Variants in CPE observed in about 807,000 individuals in gnomAD.
CPE encodes the protein carboxypeptidase E, also known as carbocypeptidase E.
Under a neutral mutation model 53.5 loss-of-function variants are expected in CPE, and 17 were observed. The ratio of observed to expected loss-of-function variants is 0.32; its 90% confidence interval spans 0.22 to 0.48. The LOEUF (loss-of-function observed/expected upper bound fraction) is 0.48. Ranked by LOEUF, CPE falls within the 20% of genes least tolerant of loss-of-function variation. The pLI, the probability that CPE is intolerant of heterozygous loss-of-function variation, is 0.99. For missense variants in CPE, 524 were observed against 614.7 expected (o/e 0.85, Z 1.56); for synonymous variants, 226 against 228.8 (o/e 0.99, Z 0.11).
chr4:165,493,061 C>T (rs553174053), intron 6 of CPE, 110 bp from the exon 7 acceptor site: 1 of 658,860 alleles, frequency 1.5e-6, no homozygotes. Flanking sequence ...CAATGGGGGT[C>T]TACGGTATTT....
At chr4:165,481,686 T>C (rs2126711047) in intron 3 of CPE, among the ~76,000 whole-genome samples, 1 of 152,318 alleles carries the variant, frequency 6.6e-6, no homozygotes, top group South Asian at 2.1e-4. Flanking sequence ...CATTCCAAAG[T>C]AAACATATTT....
rs148285380 is a variant in CPE, at chr4:165,484,498, C to T, written c.867C>T (p.Asn289=). 3.1e-6 allele frequency: 5 copies of T among 1,614,140 alleles called. No individual in the cohort carries two copies. The highest frequency in any genetic ancestry group is 4.2e-6 in the Non-Finnish European group (5 of 1,179,990). ...TGGCCCGGGCATACTCTTCTTTCAA[C>T]CCGGCCATGTCTGACCCCAATCGGC... ...QSLARAYSSF[N]PAMSDPNRPP... is the part of the protein sequence containing the mutation. The change falls in exon 5 of 9, where the codon AAC becomes AAT. Residue 289 remains asparagine (N), a synonymous_variant. Transcript: ENST00000402744.
At chr4:165,404,170 T>C (rs1560871472) in intron 1 of CPE, 10 of 761,566 alleles carry the variant, frequency 1.3e-5, no homozygotes, top group East Asian at 2.5e-5. Flanking sequence ...GCCGGTCCAC[T>C]ATCTTCTGGG....
intron 1 of CPE, among the ~76,000 whole-genome samples, chr4:165,450,695 GATAATATTCC>G (rs1731792439): frequency 2.0e-5 from 3 of 152,180 alleles, no homozygotes. Context: ...TTTCATGTCT[GATAATATTCC>G]ATCATCTTCC....
rs1352127458 is a variant in CPE, at chr4:165,418,424, C to T, written c.307+38896C>T. The T allele has an allele frequency of 2.0e-5, 3 of 152,310 alleles. No homozygotes were observed. The East Asian group carries it at 5.8e-4, about 29-fold the overall frequency. The allele number at this position is 152,310 out of a possible 1,614,324, so 9.4% of individuals were successfully genotyped here. On this transcript the variant is annotated intron_variant, in intron 1 of 8. Coordinates refer to ENST00000402744, the MANE Select transcript of CPE (RefSeq NM_001873.4). Reference sequence around the variant, plus strand: ...GTGATTGTGCTGAAAATCACAAAGTCTATAAAATTATCCATCTGTAGTTTG... The same window carrying T: ...GTGATTGTGCTGAAAATCACAAAGTTTATAAAATTATCCATCTGTAGTTTG...
At chr4:165,493,374 C>T (rs541537891) in intron 7 of CPE, 104 bp downstream of exon 7, 10 of 786,892 alleles carry the variant, frequency 1.3e-5, no homozygotes, top group South Asian at 5.4e-5. Flanking sequence ...ACAAATAGCT[C>T]GTATCTCTAC....
intron 3 of CPE, among the ~76,000 whole-genome samples, chr4:165,480,154 C>T (rs751352733): frequency 2.6e-5 from 4 of 152,038 alleles, no homozygotes; most frequent in Non-Finnish European, 5.9e-5. Context: ...TGTCATTAAT[C>T]AAAGTGACAC....
intron 1 of CPE, among the ~76,000 whole-genome samples, chr4:165,420,138 T>C (rs1288602158): frequency 6.6e-6 from 1 of 152,174 alleles, no homozygotes; most frequent in Non-Finnish European, 1.5e-5. Context: ...TTTATCTCTT[T>C]AATTATTTTC....
intron 1 of CPE, among the ~76,000 whole-genome samples, chr4:165,399,742 T>C (rs1730836616): frequency 6.6e-6 from 1 of 152,072 alleles, no homozygotes; most frequent in Non-Finnish European, 1.5e-5. Flanking sequence ...TATGATAAGA[T>C]AGAAAATGAC....
At chr4:165,485,777 A>G (rs898631991) in intron 5 of CPE, among the ~76,000 whole-genome samples, 1 of 152,196 alleles carries the variant, frequency 6.6e-6, no homozygotes, top group African/African-American at 2.4e-5. Context: ...GCTTAACTAA[A>G]CAGTCAAAGG....
At chr4:165,448,239 T>G (rs1446917652) in intron 1 of CPE, among the ~76,000 whole-genome samples, 2 of 152,226 alleles carry the variant, frequency 1.3e-5, no homozygotes, top group Non-Finnish European at 2.9e-5. Flanking sequence ...TAATTTTGTT[T>G]GTCACAGGAG....
intron 1 of CPE, among the ~76,000 whole-genome samples, chr4:165,422,383 G>A (rs1202644813): frequency 6.6e-6 from 1 of 151,336 alleles, no homozygotes; most frequent in Non-Finnish European, 1.5e-5. Context: ...AAATTGTTTG[G>A]TTCCTTTATT....
intron 1 of CPE, among the ~76,000 whole-genome samples, chr4:165,411,943 C>T (rs958600327): frequency 6.6e-6 from 1 of 152,078 alleles, no homozygotes; most frequent in Admixed American, 6.5e-5. Context: ...GAAACCATCT[C>T]TTTAAAATGA....
chr4:165,475,958 C>G (rs1469497153), intron 3 of CPE, among the ~76,000 whole-genome samples: 5 of 152,134 alleles, frequency 3.3e-5, no homozygotes, highest in Non-Finnish European at 7.3e-5. Flanking sequence ...TTGAGTACCT[C>G]CAGCCAAAGA....
chr4:165,405,707 A>T (rs550779248), intron 1 of CPE: 5 of 826,300 alleles, frequency 6.1e-6, no homozygotes, highest in Non-Finnish European at 8.5e-6. Context: ...GATTCCACCA[A>T]TTGGTCAACC....
intron 1 of CPE, among the ~76,000 whole-genome samples, chr4:165,451,479 ATTATTTATTTAT>A (rs200432846): frequency 6.7e-6 from 1 of 150,344 alleles, no homozygotes; most frequent in Admixed American, 6.6e-5. Context: ...AGGTTTTATT[ATTATTTATTTAT>A]TTATTTATTT....
chr4:165,386,488 T>C (rs527631478), intron 1 of CPE, among the ~76,000 whole-genome samples: 1 of 152,362 alleles, frequency 6.6e-6, no homozygotes, highest in Non-Finnish European at 1.5e-5. Context: ...CATATTAGCA[T>C]GCCAGTAGTG....
At position 165,379,107 on chromosome 4, in the gene CPE, A is replaced by G. The variant is rs549940521; in HGVS notation, c.-115A>G. 8.7e-6 allele frequency: 8 copies of G among 923,320 alleles called. No individual in the cohort carries two copies. In the South Asian group the frequency reaches 2.8e-4, roughly 32 times the overall value. The allele number at this position is 923,320 out of a possible 1,614,324, so 57.2% of individuals were successfully genotyped here. On this transcript the variant is annotated 5_prime_UTR_variant, in exon 1 of 9. Coordinates refer to ENST00000402744, the MANE Select transcript of CPE (RefSeq NM_001873.4). This position sits in a 1 kb window ranked among gnomAD's most constrained non-coding sequence, Gnocchi z 6.0. ...CAGCCGGGGAAGGTGAGGCGAGTAG[A>G]GGCTGGTGCGGAACTTGCCGCCCCC...
chr4:165,387,365 T>C (rs2126653140), intron 1 of CPE, among the ~76,000 whole-genome samples: 1 of 152,350 alleles, frequency 6.6e-6, no homozygotes, highest in East Asian at 1.9e-4. Flanking sequence ...GAAATCTCTT[T>C]ACTATCAAAT....
Sources: allele counts gnomAD v4.1 joint callset (sites outside exome capture counted in the v4.1 genomes callset), GRCh38; gene constraint gnomAD v4.1.1; non-coding constraint Gnocchi (gnomAD v3.1); transcripts MANE v1.5; gene names NCBI Gene and HGNC (gene_info 2026-07-23, HGNC 2026-07-21).